The following PARPBP variants were observed in gnomAD, a reference collection of about 807,000 sequenced individuals.
PARPBP encodes PCNA-interacting partner.
In PARPBP, 52 loss-of-function variants were observed where a neutral mutation model predicts 50.0. The ratio of observed to expected loss-of-function variants is 1.04; its 90% CI spans 0.83 to 1.31. The LOEUF (loss-of-function observed/expected upper bound fraction) is 1.31, where lower values mean the gene tolerates loss of function less well. Among genes scored for constraint, PARPBP ranks in the 50% most tolerant of loss-of-function variants. PARPBP has a pLI of 0.00. For synonymous variants in PARPBP, 244 were observed against 232.1 expected, an observed-to-expected ratio of 1.05 and a Z score of -0.47; for missense variants, 697 against 672.0, an observed-to-expected ratio of 1.04 and a Z score of -0.41.
intron 2 of PARPBP, among the ~76,000 whole-genome samples, chr12:102,139,665 C>T (rs1456223658): frequency 6.6e-6 from 1 of 152,162 alleles, no homozygotes; most frequent in African/African-American, 2.4e-5. Context: ...CCATCAGTAC[C>T]TAGTTTATTG....
chr12:102,143,489 T>C (rs1171314867), intron 2 of PARPBP, among the ~76,000 whole-genome samples: 1 of 152,188 alleles, frequency 6.6e-6, no homozygotes, highest in Non-Finnish European at 1.5e-5. Context: ...CTGCACCCAC[T>C]GTCTGACAAG....
intron 9 of PARPBP, among the ~76,000 whole-genome samples, chr12:102,187,018 T>C (rs1665766985): frequency 2.0e-5 from 3 of 151,870 alleles, no homozygotes; most frequent in Admixed American, 1.3e-4. Flanking sequence ...CTTTATGATA[T>C]TTGAAAACTC....
chr12:102,174,323 A>G (rs17438571), intron 6 of PARPBP, among the ~76,000 whole-genome samples: 28,695 of 152,042 alleles, frequency 0.19, 2,755 homozygotes, highest in Non-Finnish European at 0.21. Flanking sequence ...ATGCATTGTC[A>G]TCATACACTA....
In PARPBP at chr12:102,196,028, G is replaced by T; in HGVS notation, c.1477G>T (p.Glu493Ter). The change falls in exon 11 of 11, where the codon GAA becomes TAA. Residue 493 changes from glutamate (E) to a stop codon, truncating the protein, a stop_gained. Transcript: ENST00000327680. LOFTEE classifies it low-confidence loss of function (END_TRUNC). Reference sequence around the variant, plus strand: ...TGTTCATCTGGACAGAAGTAAAAATGAAAAAGTATCAAGAAAATCAACCAG... The same window carrying T: ...TGTTCATCTGGACAGAAGTAAAAATTAAAAAGTATCAAGAAAATCAACCAG... ...GNVHLDRSKNEKVSRKSTSQT... is the reference protein window; with the variant it reads ...GNVHLDRSKN The T allele has an allele frequency of 6.2e-7, 1 of 1,611,184 alleles. No homozygotes were observed. The highest frequency in any genetic ancestry group is 1.1e-5 in the South Asian group (1 of 90,860).
At chr12:102,145,016 A>AT (rs950203211) in intron 2 of PARPBP, among the ~76,000 whole-genome samples, 1 of 152,060 alleles carries the variant, frequency 6.6e-6, no homozygotes, top group Admixed American at 6.6e-5. Context: ...AATGAGGATA[A>AT]TTTTTTTAGT....
Position 102,187,433 on chromosome 12 carries a change from C to G in PARPBP, c.1263+4806C>G, listed in dbSNP as rs1055857268. ...ATAGACAAAATGTGGAAAATGAACC[C>G]TGGGATTTACACACTGAGAGAAATA... On this transcript the variant is annotated intron_variant, in intron 9 of 10. Transcript: ENST00000327680. 6.6e-5 allele frequency among the ~76,000 whole-genome samples: 10 copies of G among 152,014 alleles called. No homozygotes were observed. In the South Asian group the frequency reaches 8.3e-4, roughly 13 times the overall value.
intron 4 of PARPBP, among the ~76,000 whole-genome samples, chr12:102,159,161 C>T (rs1887290241): frequency 6.6e-6 from 1 of 152,134 alleles, no homozygotes; most frequent in Non-Finnish European, 1.5e-5. Flanking sequence ...GACGGAGTTT[C>T]ACTCTGTCAC....
intron 9 of PARPBP, among the ~76,000 whole-genome samples, chr12:102,193,962 G>A (rs1293595403): frequency 6.6e-6 from 1 of 151,960 alleles, no homozygotes; most frequent in East Asian, 1.9e-4. Context: ...AACTCCAATT[G>A]TCTAATGCTT....
At chr12:102,146,260 T>A (rs1885333439) in intron 2 of PARPBP, among the ~76,000 whole-genome samples, 1 of 152,052 alleles carries the variant, frequency 6.6e-6, no homozygotes, top group Non-Finnish European at 1.5e-5. Flanking sequence ...CATCACCAAG[T>A]CAATCCTAAG....
At chr12:102,192,446 CTT>C (rs1239037561) in intron 9 of PARPBP, among the ~76,000 whole-genome samples, 1 of 152,064 alleles carries the variant, frequency 6.6e-6, no homozygotes, top group Non-Finnish European at 1.5e-5. Flanking sequence ...AAATCTGATG[CTT>C]TTCCCATCAC....
intron 2 of PARPBP, among the ~76,000 whole-genome samples, chr12:102,138,322 C>T (rs1883994046): frequency 6.6e-6 from 1 of 152,122 alleles, no homozygotes; most frequent in Admixed American, 6.6e-5. Context: ...AGTATCTGTT[C>T]ATATCCTTTG....
At chr12:102,137,963 A>G (rs1266670847) in intron 2 of PARPBP, among the ~76,000 whole-genome samples, 1 of 152,214 alleles carries the variant, frequency 6.6e-6, no homozygotes, top group Non-Finnish European at 1.5e-5. Context: ...CGCAATAAAC[A>G]TACGTGTGCG....
In PARPBP at chr12:102,148,406, T is replaced by G; in HGVS notation, c.330T>G (p.Val110=). The change falls in exon 3 of 11, where the codon GTT becomes GTG. Residue 110 remains valine, a synonymous_variant. Transcript: ENST00000327680. ...GTAATATGTTAGATCTGATTGATGT[T>G]TATCAAAAATGTAGGGCTTTGACTT... is the stretch of plus-strand genomic sequence containing the variant. ...KNSNMLDLID[V]YQKCRALTSN... 1 of 1,571,082 alleles carries G rather than the reference T, an allele frequency of 6.4e-7. No individual in the cohort carries two copies. The highest frequency in any genetic ancestry group is 1.3e-5 in the African/African-American group (1 of 74,186).
At chr12:102,123,603 C>T (rs942731550) in intron 1 of PARPBP, among the ~76,000 whole-genome samples, 1 of 150,602 alleles carries the variant, frequency 6.6e-6, no homozygotes, top group Non-Finnish European at 1.5e-5. Context: ...TATAAGTTTG[C>T]AGTAAATTTG....
intron 1 of PARPBP, among the ~76,000 whole-genome samples, chr12:102,121,983 G>T (rs574456449): frequency 6.6e-6 from 1 of 152,258 alleles, no homozygotes; most frequent in South Asian, 2.1e-4. Context: ...ATGGGATAGG[G>T]TTTTCATTTT....
chr12:102,143,556 G>A (rs1378865034), intron 2 of PARPBP, among the ~76,000 whole-genome samples: 1 of 152,200 alleles, frequency 6.6e-6, no homozygotes, highest in African/African-American at 2.4e-5. Context: ...CTCATCTTCT[G>A]CGTCGCTCAT....
chr12:102,144,821 G>A (rs1006485538), intron 2 of PARPBP, among the ~76,000 whole-genome samples: 1 of 152,110 alleles, frequency 6.6e-6, no homozygotes, highest in African/African-American at 2.4e-5. Context: ...CCTTTGTGGG[G>A]TTGGGGAGTA....
At chr12:102,153,832 A>G (rs538040260) in intron 3 of PARPBP, 37 bp from the exon 4 acceptor site, 62 of 1,091,464 alleles carry the variant, frequency 5.7e-5, no homozygotes, top group African/African-American at 4.3e-4. Context: ...TATAGTCAGC[A>G]TAGCATTTTA....
intron 3 of PARPBP, among the ~76,000 whole-genome samples, chr12:102,153,658 G>A (rs1474490989): frequency 6.6e-6 from 1 of 152,176 alleles, no homozygotes; most frequent in Non-Finnish European, 1.5e-5. Flanking sequence ...TTTCTTTACT[G>A]CAGTTATGTG....
Sources: allele counts gnomAD v4.1 joint callset (sites outside exome capture counted in the v4.1 genomes callset), GRCh38; gene constraint gnomAD v4.1.1; transcripts MANE v1.5; gene names NCBI Gene and HGNC (gene_info 2026-07-23, HGNC 2026-07-21).